Variants in DIAPH3 observed in about 807,000 individuals in gnomAD.
The protein encoded by DIAPH3 is diaphanous related formin 3, also known as protein diaphanous homolog 3.
Under a neutral mutation model 144.3 loss-of-function variants are expected in DIAPH3, and 117 were observed. The observed-to-expected ratio is 0.81, with a 90% CI of 0.70 to 0.95. The LOEUF (loss-of-function observed/expected upper bound fraction) is 0.95. Among genes scored for constraint, DIAPH3 ranks in the 40% least tolerant of loss-of-function variants. The probability of loss-of-function intolerance (pLI) is 0.00; values close to 1 mark genes in which losing one functional copy is unlikely to be tolerated. For synonymous variants in DIAPH3, 519 were observed against 488.9 expected (o/e 1.06, Z -0.81); for missense variants, 1,421 against 1,412.7 (o/e 1.01, Z -0.09).
At chr13:60,123,478 C>T (rs182183615) in intron 2 of DIAPH3, among the ~76,000 whole-genome samples, 1 of 152,144 alleles carries the variant, frequency 6.6e-6, no homozygotes, top group African/African-American at 2.4e-5. Flanking sequence ...TGAGGAGGAG[C>T]TCTCTAAACT....
intron 22 of DIAPH3, among the ~76,000 whole-genome samples, chr13:59,848,289 C>T (rs919322297): frequency 6.8e-6 from 1 of 146,746 alleles, no homozygotes; most frequent in African/African-American, 2.5e-5. Flanking sequence ...GGCTCCTCAT[C>T]TCAGAGTAAA....
At chr13:59,760,278 A>C (rs955830310) in intron 27 of DIAPH3, among the ~76,000 whole-genome samples, 1 of 152,230 alleles carries the variant, frequency 6.6e-6, no homozygotes, top group African/African-American at 2.4e-5. Flanking sequence ...ACTAAGAAAA[A>C]GTTATGAAAT....
intron 27 of DIAPH3, chr13:59,695,925 C>A (rs2033776677): frequency 6.6e-6 from 1 of 151,996 alleles, no homozygotes; most frequent in South Asian, 2.1e-4. Flanking sequence ...GTTCTACCAC[C>A]AAAACCTCTT....
At chr13:59,759,622 G>C (rs761616520) in intron 27 of DIAPH3, among the ~76,000 whole-genome samples, 1 of 152,122 alleles carries the variant, frequency 6.6e-6, no homozygotes, top group African/African-American at 2.4e-5. Flanking sequence ...GTAATAGGCG[G>C]TGTTCAGCTT....
At chr13:60,053,355 A>T (rs946382319) in intron 4 of DIAPH3, among the ~76,000 whole-genome samples, 1 of 152,152 alleles carries the variant, frequency 6.6e-6, no homozygotes, top group South Asian at 2.1e-4. Context: ...TCTGCCTGAC[A>T]TCACAAAAAT....
At chr13:60,014,969 T>TTTTTGTTTTGTTTTGTTTTGTTTTG (rs71089521) in intron 7 of DIAPH3, among the ~76,000 whole-genome samples, 35 of 147,112 alleles carry the variant, frequency 2.4e-4, no homozygotes, top group Non-Finnish European at 3.9e-4. Context: ...TTTTCTAGTT[T>TTTTTGTTTTGTTTTGTTTTGTTTTG]TTTTGTTTTG....
At chr13:59,741,448 A>G (rs1468886215) in intron 27 of DIAPH3, among the ~76,000 whole-genome samples, 1 of 152,172 alleles carries the variant, frequency 6.6e-6, no homozygotes, top group African/African-American at 2.4e-5. Flanking sequence ...CAAAACTGTA[A>G]GTATTGCTAG....
chr13:60,125,394 ATTTTT>A (rs56267083), intron 2 of DIAPH3, among the ~76,000 whole-genome samples: 2 of 97,866 alleles, frequency 2.0e-5, no homozygotes, highest in African/African-American at 4.1e-5. Flanking sequence ...CACCCAGCTA[ATTTTT>A]TTTTTTTTTT....
intron 5 of DIAPH3, among the ~76,000 whole-genome samples, chr13:60,027,517 A>G (rs1037397593): frequency 4.6e-5 from 7 of 152,190 alleles, no homozygotes; most frequent in Non-Finnish European, 7.4e-5. Context: ...TAGAGAAAGC[A>G]TTCCAAATAA....
chr13:60,030,320 T>A (rs565219529), intron 5 of DIAPH3, among the ~76,000 whole-genome samples: 1 of 152,290 alleles, frequency 6.6e-6, no homozygotes, highest in East Asian at 1.9e-4. Flanking sequence ...CCATGTCACA[T>A]ACTTAGGAAC....
At chr13:59,756,699 C>A (rs971257116) in intron 27 of DIAPH3, among the ~76,000 whole-genome samples, 1 of 152,152 alleles carries the variant, frequency 6.6e-6, no homozygotes, top group Middle Eastern at 3.2e-3. Flanking sequence ...TACCCAAAAA[C>A]CTTGGGGAAG....
At chr13:60,013,210 G>A (rs796101567) in intron 7 of DIAPH3, 94 of 985,352 alleles carry the variant, frequency 9.5e-5, no homozygotes, top group Middle Eastern at 5.2e-4. Flanking sequence ...GCCAGGTTCC[G>A]CCTGCATTCC....
Position 60,107,356 on chromosome 13 carries a change from G to A in DIAPH3, c.390+4654C>T, listed in dbSNP as rs138846462. Among the ~76,000 whole-genome samples the A allele has an allele frequency of 4.4e-3, 667 of 151,986 alleles. 3 individuals carry two copies. The highest frequency in any genetic ancestry group is 7.3e-3 in the Non-Finnish European group (493 of 67,918). On this transcript the variant is annotated intron_variant, in intron 3 of 27. Transcript: ENST00000400324. The stretch of plus-strand genomic sequence containing the variant: ...TCAGGGAAAAAAAGAAGATAAAAGC[G>A]GGAATTAGAAGAATTACACAAGGGA...
intron 5 of DIAPH3, among the ~76,000 whole-genome samples, chr13:60,032,065 ACT>A (rs947713836): frequency 2.0e-5 from 3 of 152,000 alleles, no homozygotes; most frequent in Non-Finnish European, 2.9e-5. Flanking sequence ...AATCTTCTTG[ACT>A]CTGTGTCCCA....
intron 27 of DIAPH3, among the ~76,000 whole-genome samples, chr13:59,734,200 C>A (rs1315817551): frequency 6.6e-6 from 1 of 151,652 alleles, no homozygotes; most frequent in African/African-American, 2.4e-5. Flanking sequence ...TTTTTGGCTC[C>A]CCTTTTAAAC....
chr13:59,747,000 T>G (rs2036738031), intron 27 of DIAPH3, among the ~76,000 whole-genome samples: 1 of 152,188 alleles, frequency 6.6e-6, no homozygotes, highest in Non-Finnish European at 1.5e-5. Flanking sequence ...AATATATAAT[T>G]ACTTGGAAAC....
chr13:60,103,895 T>C (rs2058339779), intron 3 of DIAPH3, among the ~76,000 whole-genome samples: 1 of 152,182 alleles, frequency 6.6e-6, no homozygotes, highest in Admixed American at 6.5e-5. Flanking sequence ...ATCTTTGACA[T>C]CACACAATAT....
At chr13:59,995,115 G>A (rs1435383337) in intron 9 of DIAPH3, among the ~76,000 whole-genome samples, 2 of 151,726 alleles carry the variant, frequency 1.3e-5, no homozygotes, top group Non-Finnish European at 2.9e-5. Flanking sequence ...AATGTAAGAA[G>A]AGCAACAGGT....
intron 27 of DIAPH3, among the ~76,000 whole-genome samples, chr13:59,759,726 A>T (rs1279232140): frequency 2.6e-5 from 4 of 152,056 alleles, no homozygotes; most frequent in African/African-American, 9.7e-5. Context: ...TGGGTGGATC[A>T]TGAGGTCAGG....
Sources: allele counts gnomAD v4.1 joint callset (sites outside exome capture counted in the v4.1 genomes callset), GRCh38; gene constraint gnomAD v4.1.1; transcripts MANE v1.5; gene names NCBI Gene and HGNC (gene_info 2026-07-23, HGNC 2026-07-21).